PRELID2: variants seen among roughly 807,000 people sequenced by gnomAD.
PRELID2 encodes the protein PRELI domain containing 2.
In PRELID2, 25 loss-of-function variants were observed where a neutral mutation model predicts 28.4. That is an observed-to-expected ratio of 0.88 (90% confidence interval 0.64 to 1.23). The LOEUF is 1.23. Among genes scored for constraint, PRELID2 ranks in the 50% most tolerant of loss-of-function variants. PRELID2 has a pLI of 0.00. For synonymous variants in PRELID2, 76 were observed against 71.6 expected (o/e 1.06, Z -0.31); for missense variants, 201 against 214.4 (o/e 0.94, Z 0.39).
At chr5:145,258,960 G>A in the PRELID2 span, among the ~76,000 whole-genome samples, 4 of 152,130 alleles carry the variant, frequency 2.6e-5, no homozygotes, top group African/African-American at 7.2e-5. Flanking sequence ...GCAGTCTCAG[G>A]ACATTGCTTC....
intron 1 of PRELID2, among the ~76,000 whole-genome samples, chr5:145,507,464 G>C (rs976534840): frequency 6.6e-6 from 1 of 152,152 alleles, no homozygotes; most frequent in Non-Finnish European, 1.5e-5. Context: ...TCAGTTAGTG[G>C]AGCCAATGTA....
rs7734213 is a variant in PRELID2 at position 145,691,922 on chromosome 5, C to G, written n.70+73009G>C. 9.3e-3 allele frequency among the ~76,000 whole-genome samples: 1,423 copies of G among 152,210 alleles called. 18 individuals are homozygous for G. Among genetic ancestry groups the G allele is most frequent in the African/African-American group, 0.032 (1,309 of 41,532 alleles). On this transcript the variant is annotated intron_variant and non_coding_transcript_variant, in intron 1 of 2. Transcript: ENST00000510259. ...CCTGAATACTCCATGCTGTTTCATG[C>G]CTCTGTGCCTTTGACCACCTTCTTC...
chr5:145,743,428 A>G (rs1260784236), intron 1 of PRELID2, among the ~76,000 whole-genome samples: 12 of 150,326 alleles, frequency 8.0e-5, no homozygotes, highest in African/African-American at 2.7e-4. Flanking sequence ...AAAAAAAAAA[A>G]AAGAAAGAAA....
chr5:145,822,905 A>G (rs768210626), intron 2 of PRELID2, among the ~76,000 whole-genome samples, 172 bp downstream of exon 2: 7 of 152,206 alleles, frequency 4.6e-5, no homozygotes, highest in African/African-American at 7.2e-5. Context: ...ACACCTTTCT[A>G]AGTCACCTCA....
At chr5:145,646,358 C>G (rs951874121) in intron 1 of PRELID2, among the ~76,000 whole-genome samples, 2 of 152,096 alleles carry the variant, frequency 1.3e-5, no homozygotes, top group African/African-American at 4.8e-5. Flanking sequence ...TCACGAAGTT[C>G]TCGTGCTGTG....
chr5:145,350,926 A>T, the PRELID2 span, among the ~76,000 whole-genome samples: 1 of 152,178 alleles, frequency 6.6e-6, no homozygotes, highest in Non-Finnish European at 1.5e-5. Flanking sequence ...CTACTTATTG[A>T]TCATGATGAA....
chr5:145,581,335 G>T (rs374898884), intron 1 of PRELID2, among the ~76,000 whole-genome samples: 1 of 152,076 alleles, frequency 6.6e-6, no homozygotes, highest in Non-Finnish European at 1.5e-5. Flanking sequence ...GCCTAAAGTG[G>T]TTTTTATGTC....
intron 1 of PRELID2, among the ~76,000 whole-genome samples, chr5:145,703,646 C>T (rs927975414): frequency 6.6e-6 from 1 of 152,200 alleles, no homozygotes; most frequent in Non-Finnish European, 1.5e-5. Context: ...AGGTCCATTA[C>T]AGTCTAATCC....
chr5:145,243,843 A>T, the PRELID2 span, among the ~76,000 whole-genome samples: 1 of 152,152 alleles, frequency 6.6e-6, no homozygotes, highest in South Asian at 2.1e-4. Context: ...GGGATCAAAA[A>T]GAAGATCATA....
At chr5:145,809,364 T>C (rs1242389743) in intron 4 of PRELID2, among the ~76,000 whole-genome samples, 1 of 150,984 alleles carries the variant, frequency 6.6e-6, no homozygotes, top group Non-Finnish European at 1.5e-5. Flanking sequence ...CTTGACACAC[T>C]GCCATGGCCC....
chr5:145,363,233 T>A, the PRELID2 span, among the ~76,000 whole-genome samples: 2 of 152,046 alleles, frequency 1.3e-5, no homozygotes, highest in Non-Finnish European at 2.9e-5. Flanking sequence ...GTTATCATTG[T>A]CGATATCCAT....
chr5:145,562,416 T>G (rs1200589740), intron 1 of PRELID2, among the ~76,000 whole-genome samples: 1 of 152,236 alleles, frequency 6.6e-6, no homozygotes, highest in Non-Finnish European at 1.5e-5. Flanking sequence ...TTTTGCTCTG[T>G]GTATCTAAAT....
At chr5:145,457,766 C>A in the PRELID2 span, among the ~76,000 whole-genome samples, 54 of 152,278 alleles carry the variant, frequency 3.5e-4, 1 homozygote, top group Middle Eastern at 3.4e-3. Context: ...GGACAAAAGT[C>A]TTCTGGTTCT....
At chr5:145,596,761 T>C (rs1430897760) in intron 1 of PRELID2, among the ~76,000 whole-genome samples, 1 of 152,182 alleles carries the variant, frequency 6.6e-6, no homozygotes, top group Non-Finnish European at 1.5e-5. Flanking sequence ...GAAGTCAGTC[T>C]TCAAAATACA....
chr5:145,304,171 A>G, the PRELID2 span, among the ~76,000 whole-genome samples: 2 of 152,338 alleles, frequency 1.3e-5, no homozygotes, highest in East Asian at 3.9e-4. Flanking sequence ...AATGGATAAT[A>G]TATGTATTAA....
rs760482907 is a variant in PRELID2, at chr5:145,820,003, A to G, written c.149T>C (p.Val50Ala). The change falls in exon 3 of 7, where the codon GTC becomes GCC. Residue 50 changes from valine to alanine, a missense_variant. Transcript: ENST00000683046. Reference sequence around the variant, plus strand: ...GATTGCAATCCTCTTTCTGTAGATGACCCCTGTTGATTCATCTAAAAAAGA... The same window carrying G: ...GATTGCAATCCTCTTTCTGTAGATGGCCCCTGTTGATTCATCTAAAAAAGA... ...MEEKRDESTGVIYRKRIAICQ... is the reference protein window; with the variant it reads ...MEEKRDESTGAIYRKRIAICQ... 3 of 1,596,774 alleles carry G rather than the reference A, an allele frequency of 1.9e-6. No individual in the cohort carries two copies. The Admixed American group carries it at 5.2e-5, about 28-fold the overall frequency.
the PRELID2 span, among the ~76,000 whole-genome samples, chr5:145,372,044 G>A: frequency 6.6e-6 from 1 of 151,894 alleles, no homozygotes; most frequent in South Asian, 2.1e-4. Context: ...ATGTTAGTGT[G>A]CCAATTAGAG....
At chr5:145,582,825 C>A (rs531731908) in intron 1 of PRELID2, among the ~76,000 whole-genome samples, 1 of 151,830 alleles carries the variant, frequency 6.6e-6, no homozygotes, top group African/African-American at 2.4e-5. Context: ...ACCAAAAAAA[C>A]CCCAGGACCA....
chr5:145,341,155 C>T, the PRELID2 span, among the ~76,000 whole-genome samples: 1 of 151,440 alleles, frequency 6.6e-6, no homozygotes, highest in East Asian at 1.9e-4. Context: ...GACTGTTATA[C>T]CAGATGTGCA....
Sources: allele counts gnomAD v4.1 joint callset (sites outside exome capture counted in the v4.1 genomes callset), GRCh38; gene constraint gnomAD v4.1.1; transcripts MANE v1.5; gene names NCBI Gene and HGNC (gene_info 2026-07-23, HGNC 2026-07-21).